CSMD1: variants seen among roughly 807,000 people sequenced by gnomAD.
The protein encoded by CSMD1 is CUB and sushi domain-containing protein 1.
Under a neutral mutation model 417.5 loss-of-function variants are expected in CSMD1, and 213 were observed. The observed-to-expected ratio is 0.51, with a 90% confidence interval of 0.46 to 0.57. The LOEUF (loss-of-function observed/expected upper bound fraction) is 0.57. CSMD1 is among the 20% of genes least tolerant of loss of function. The pLI, the probability that CSMD1 is intolerant of heterozygous loss-of-function variation, is 0.00. For missense variants in CSMD1, 6,923 were observed against 4,529.7 expected, an observed-to-expected ratio of 1.53 and a Z score of -15.17; for synonymous variants, 2,862 against 1,736.8, an observed-to-expected ratio of 1.65 and a Z score of -16.11.
At chr8:3,356,864 T>G (rs1444343804) in intron 21 of CSMD1, among the ~76,000 whole-genome samples, 1 of 151,990 alleles carries the variant, frequency 6.6e-6, no homozygotes, top group Non-Finnish European at 1.5e-5. Context: ...CAGGACAGCG[T>G]GGAGGGAGAG....
chr8:4,747,439 T>C (rs1011710528), intron 1 of CSMD1, among the ~76,000 whole-genome samples: 3 of 152,160 alleles, frequency 2.0e-5, no homozygotes. Flanking sequence ...AAGGTGGTAC[T>C]TATGTCAGAG....
chr8:4,057,063 C>G (rs1050636428), intron 3 of CSMD1, among the ~76,000 whole-genome samples: 26 of 152,234 alleles, frequency 1.7e-4, no homozygotes, highest in African/African-American at 4.3e-4. Context: ...TAATGGGATG[C>G]CTGGGTCAAA....
At chr8:3,391,636 G>C (rs1000201746) in intron 17 of CSMD1, among the ~76,000 whole-genome samples, 2 of 152,118 alleles carry the variant, frequency 1.3e-5, no homozygotes, top group Non-Finnish European at 2.9e-5. Flanking sequence ...TTTTACAAAA[G>C]CCTCAAAAAA....
At chr8:3,079,977 C>A (rs1191119581) in intron 49 of CSMD1, among the ~76,000 whole-genome samples, 1 of 152,190 alleles carries the variant, frequency 6.6e-6, no homozygotes, top group East Asian at 1.9e-4. Flanking sequence ...CTATCTCTAT[C>A]TAAAAGGCCT....
intron 3 of CSMD1, among the ~76,000 whole-genome samples, chr8:4,328,927 G>A (rs551366417): frequency 1.5e-4 from 23 of 152,250 alleles, no homozygotes; most frequent in African/African-American, 4.8e-4. Flanking sequence ...GTTTGCATTC[G>A]CTGTTTTTGC....
chr8:4,636,991 C>T lies in CSMD1; in HGVS notation c.302+351G>A, dbSNP rs190202406. The stretch of plus-strand genomic sequence containing the variant: ...AGGATCGTAAAAGTAGCCAATCACA[C>T]GGAGGACTGAAAAAAGGGCATTCCT... On this transcript the variant is annotated intron_variant, in intron 2 of 69. Coordinates refer to ENST00000635120, the MANE Select transcript of CSMD1 (RefSeq NM_033225.6). Among the ~76,000 whole-genome samples the T allele has an allele frequency of 7.2e-5, 11 of 151,978 alleles. No homozygotes were observed. The East Asian group carries it at 1.4e-3, about 19-fold the overall frequency.
In CSMD1 at chr8:3,598,689, T is replaced by G. The variant is rs568697222; in HGVS notation, c.1098-12429A>C. Among the ~76,000 whole-genome samples, 8 of 152,320 alleles carry G rather than the reference T, an allele frequency of 5.3e-5. No individual in the cohort carries two copies. The East Asian group carries it at 1.4e-3, about 26-fold the overall frequency. On this transcript the variant is annotated intron_variant, in intron 8 of 69. Transcript: ENST00000635120. Reference sequence around the variant, plus strand: ...AAGAATGAATCAGTAGCTGAAGGGTTGCCTTGGATGCTAAAAACCTCCCTA... The same window carrying G: ...AAGAATGAATCAGTAGCTGAAGGGTGGCCTTGGATGCTAAAAACCTCCCTA...
intron 52 of CSMD1, among the ~76,000 whole-genome samples, chr8:3,009,762 A>T (rs1320392965): frequency 6.6e-6 from 1 of 152,132 alleles, no homozygotes; most frequent in East Asian, 1.9e-4. Context: ...ACATGGAGGT[A>T]TTGGGCTTGC....
chr8:2,954,335 G>T, intron 64 of CSMD1, 67 bp from the exon 65 acceptor site: 1 of 994,496 alleles, frequency 1.0e-6, no homozygotes, highest in Non-Finnish European at 1.5e-6. Context: ...TTGAAAAAAT[G>T]TCAAATTGAA....
intron 27 of CSMD1, among the ~76,000 whole-genome samples, chr8:3,225,245 T>C (rs554685999): frequency 6.6e-6 from 1 of 152,324 alleles, no homozygotes; most frequent in East Asian, 1.9e-4. Context: ...GTAGTTCTTG[T>C]TATACTCTCA....
At chr8:3,775,294 A>G (rs1459086914) in intron 5 of CSMD1, among the ~76,000 whole-genome samples, 1 of 152,250 alleles carries the variant, frequency 6.6e-6, no homozygotes, top group African/African-American at 2.4e-5. Flanking sequence ...ATAAGTGAAC[A>G]GAAGATGAAT....
intron 8 of CSMD1, among the ~76,000 whole-genome samples, chr8:3,588,451 A>G (rs1800699413): frequency 6.6e-6 from 1 of 152,026 alleles, no homozygotes; most frequent in African/African-American, 2.4e-5. Context: ...ACTGATATTC[A>G]GTGTAATATT....
intron 3 of CSMD1, among the ~76,000 whole-genome samples, chr8:4,262,937 T>G (rs2128843200): frequency 6.6e-6 from 1 of 152,244 alleles, no homozygotes; most frequent in East Asian, 1.9e-4. Context: ...CATAAGAACA[T>G]TAGTTCAGCC....
intron 7 of CSMD1, among the ~76,000 whole-genome samples, chr8:3,705,742 T>C (rs1366422673): frequency 1.3e-5 from 2 of 152,210 alleles, no homozygotes; most frequent in Non-Finnish European, 2.9e-5. Context: ...GAGAGGTTTG[T>C]GTGCTTGGAT....
At chr8:3,021,252 T>G (rs1467515828) in intron 51 of CSMD1, among the ~76,000 whole-genome samples, 1 of 152,216 alleles carries the variant, frequency 6.6e-6, no homozygotes, top group Admixed American at 6.5e-5. Context: ...TCTAACAAGA[T>G]TTACTCAATT....
intron 49 of CSMD1, among the ~76,000 whole-genome samples, chr8:3,066,151 G>T: frequency 6.6e-6 from 1 of 152,138 alleles, no homozygotes; most frequent in East Asian, 1.9e-4. Flanking sequence ...GCTTCCAAGG[G>T]CTGCTGGTTC....
chr8:3,937,137 G>T (rs535753491), intron 5 of CSMD1, among the ~76,000 whole-genome samples: 1 of 152,188 alleles, frequency 6.6e-6, no homozygotes, highest in Non-Finnish European at 1.5e-5. Context: ...TCTTATGGAT[G>T]AGCAAAGAAA....
rs529199815 is a variant in CSMD1 at position 3,590,055 on chromosome 8, G to T, written c.1098-3795C>A. 2.0e-5 allele frequency among the ~76,000 whole-genome samples: 3 copies of T among 151,872 alleles called. No homozygotes were observed. The South Asian group carries it at 6.3e-4, about 32-fold the overall frequency. On this transcript the variant is annotated intron_variant, in intron 8 of 69. Transcript: ENST00000635120. ...GATATATTTGAAAGAATGCAACATC[G>T]CTTTATAAAAGGCAAATATAAAATA... is the stretch of plus-strand genomic sequence containing the variant.
intron 1 of CSMD1, among the ~76,000 whole-genome samples, chr8:4,933,017 T>C (rs1209690269): frequency 6.6e-6 from 1 of 152,230 alleles, no homozygotes; most frequent in Non-Finnish European, 1.5e-5. Context: ...TTCTCTTTGC[T>C]GATGAGTTAA....
Sources: allele counts gnomAD v4.1 joint callset (sites outside exome capture counted in the v4.1 genomes callset), GRCh38; gene constraint gnomAD v4.1.1; transcripts MANE v1.5; gene names NCBI Gene and HGNC (gene_info 2026-07-23, HGNC 2026-07-21).